VPS41: variants seen among roughly 807,000 people sequenced by gnomAD.
VPS41 encodes the protein vacuolar protein sorting-associated protein 41 homolog.
VPS41 carries 85 observed loss-of-function variants against 130.9 expected under a neutral mutation model. That is an observed-to-expected ratio of 0.65 (90% confidence interval 0.55 to 0.78). The LOEUF (loss-of-function observed/expected upper bound fraction) is 0.78. Among genes scored for constraint, VPS41 ranks in the 30% least tolerant of loss-of-function variants. VPS41 has a pLI of 0.00. For missense variants in VPS41, 874 were observed against 1,018.7 expected, an observed-to-expected ratio of 0.86 and a Z score of 1.93; for synonymous variants, 335 against 332.9, an observed-to-expected ratio of 1.01 and a Z score of -0.07.
At chr7:38,878,006 C>T (rs1786526107) in intron 2 of VPS41, among the ~76,000 whole-genome samples, 1 of 152,154 alleles carries the variant, frequency 6.6e-6, no homozygotes, top group Admixed American at 6.5e-5. Flanking sequence ...CCAATCCTCA[C>T]ACATTTTAGC....
intron 19 of VPS41, 120 bp downstream of exon 19, chr7:38,756,718 G>T: frequency 1.4e-6 from 1 of 720,900 alleles, no homozygotes; most frequent in Non-Finnish European, 2.2e-6. Context: ...TCTAAAGATT[G>T]TCGGCATAAA....
intron 1 of VPS41, among the ~76,000 whole-genome samples, chr7:38,908,116 G>A (rs1407147949): frequency 3.9e-5 from 6 of 152,110 alleles, no homozygotes; most frequent in African/African-American, 1.4e-4. Flanking sequence ...GTTGAAAATA[G>A]TAAAAATTAT....
chr7:38,797,196 C>G (rs1426877189), intron 7 of VPS41, among the ~76,000 whole-genome samples: 2 of 152,256 alleles, frequency 1.3e-5, no homozygotes, highest in South Asian at 2.1e-4. Flanking sequence ...AATGATTGTC[C>G]GGGAACTAAT....
At chr7:38,815,774 T>C (rs957469810) in intron 7 of VPS41, among the ~76,000 whole-genome samples, 2 of 152,186 alleles carry the variant, frequency 1.3e-5, no homozygotes, top group Non-Finnish European at 2.9e-5. Context: ...CATCTTTCTC[T>C]CTTGCTGGAT....
At chr7:38,738,744 C>T (rs1795823237) in intron 25 of VPS41, among the ~76,000 whole-genome samples, 1 of 152,196 alleles carries the variant, frequency 6.6e-6, no homozygotes, top group African/African-American at 2.4e-5. Context: ...AAGTGCAATA[C>T]ATGCCACTTG....
At chr7:38,746,882 C>A (rs559142404) in intron 22 of VPS41, among the ~76,000 whole-genome samples, 1 of 152,236 alleles carries the variant, frequency 6.6e-6, no homozygotes, top group South Asian at 2.1e-4. Flanking sequence ...CACTACCTTA[C>A]GTCATGAGGT....
intron 21 of VPS41, 113 bp downstream of exon 21, chr7:38,754,589 G>A (rs1256836839): frequency 2.4e-6 from 2 of 817,098 alleles, no homozygotes; most frequent in Non-Finnish European, 3.9e-6. Context: ...CCTCCAACTG[G>A]AATATTAACC....
At chr7:38,893,998 G>A (rs1004526322) in intron 2 of VPS41, among the ~76,000 whole-genome samples, 1 of 151,994 alleles carries the variant, frequency 6.6e-6, no homozygotes, top group Admixed American at 6.5e-5. Flanking sequence ...TACATGAAAT[G>A]CAACATTTCA....
chr7:38,842,773 T>A (rs911814112), intron 4 of VPS41, among the ~76,000 whole-genome samples: 11 of 152,250 alleles, frequency 7.2e-5, no homozygotes, highest in Non-Finnish European at 1.3e-4. Flanking sequence ...TCACCTCCTA[T>A]GGGAAGGCCC....
In VPS41 at chr7:38,726,900, C is replaced by A; in HGVS notation, c.2484+9G>T. 6.5e-7 allele frequency: 1 copy of A among 1,541,198 alleles called. No homozygotes were observed. The highest frequency in any genetic ancestry group is 8.7e-7 in the Non-Finnish European group (1 of 1,145,440). On this transcript the variant is annotated intron_variant, in intron 28 of 28. Coordinates refer to ENST00000310301, the MANE Select transcript of VPS41 (RefSeq NM_014396.4). Reference sequence around the variant, plus strand: ...CCTCTAGTTGATAGGTGCCAAGCTGCCAACTCACCATGCTGGGCATGGGCA... The same window carrying A: ...CCTCTAGTTGATAGGTGCCAAGCTGACAACTCACCATGCTGGGCATGGGCA...
chr7:38,769,679 A>C (rs940837622), intron 14 of VPS41, among the ~76,000 whole-genome samples: 2 of 152,130 alleles, frequency 1.3e-5, no homozygotes, highest in African/African-American at 4.8e-5. Flanking sequence ...TTTCATCCAC[A>C]CAGAGTCAGT....
intron 7 of VPS41, among the ~76,000 whole-genome samples, chr7:38,810,206 T>G (rs1036003432): frequency 9.9e-5 from 15 of 151,930 alleles, no homozygotes; most frequent in Non-Finnish European, 1.3e-4. Context: ...ATTCAACTAC[T>G]AAGAAGATAC....
chr7:38,742,409 C>T (rs1795899508), intron 24 of VPS41, among the ~76,000 whole-genome samples: 1 of 152,110 alleles, frequency 6.6e-6, no homozygotes, highest in Admixed American at 6.6e-5. Flanking sequence ...TTTTTAGCAT[C>T]AAATGGGTGT....
At chr7:38,838,896 CT>C (rs1486706100) in intron 4 of VPS41, among the ~76,000 whole-genome samples, 1 of 152,182 alleles carries the variant, frequency 6.6e-6, no homozygotes, top group Non-Finnish European at 1.5e-5. Flanking sequence ...TTCTTTTCCC[CT>C]GATACTCCTC....
intron 7 of VPS41, among the ~76,000 whole-genome samples, chr7:38,814,419 A>G (rs1164892156): frequency 6.6e-6 from 1 of 152,196 alleles, no homozygotes; most frequent in Non-Finnish European, 1.5e-5. Context: ...TGGAAGGCCG[A>G]GCGGATGGAT....
chr7:38,893,740 T>C (rs1322849585), intron 2 of VPS41, among the ~76,000 whole-genome samples: 1 of 152,248 alleles, frequency 6.6e-6, no homozygotes, highest in African/African-American at 2.4e-5. Context: ...TAACATGATT[T>C]TGCATTTCTA....
chr7:38,762,167 G>T (rs1272809782), intron 17 of VPS41, among the ~76,000 whole-genome samples: 1 of 152,098 alleles, frequency 6.6e-6, no homozygotes, highest in Non-Finnish European at 1.5e-5. Context: ...GCTTCTCTCT[G>T]TTCAACTGGC....
At chr7:38,779,413 T>C (rs992741201) in intron 10 of VPS41, among the ~76,000 whole-genome samples, 3 of 152,240 alleles carry the variant, frequency 2.0e-5, no homozygotes, top group Admixed American at 1.3e-4. Context: ...ATACTCAGCA[T>C]GATTCTCAAA....
At chr7:38,742,683 T>C (rs2115639756) in intron 24 of VPS41, among the ~76,000 whole-genome samples, 1 of 152,044 alleles carries the variant, frequency 6.6e-6, no homozygotes. Flanking sequence ...TGAGATTCTT[T>C]ATATTGTCAA....
Sources: allele counts gnomAD v4.1 joint callset (sites outside exome capture counted in the v4.1 genomes callset), GRCh38; gene constraint gnomAD v4.1.1; transcripts MANE v1.5; gene names NCBI Gene and HGNC (gene_info 2026-07-23, HGNC 2026-07-21).